The following PLPPR1 variants were observed in gnomAD, a reference collection of about 807,000 sequenced individuals.
PLPPR1 encodes phospholipid phosphatase related 1, also known as phospholipid phosphatase-related protein type 1.
Under a neutral mutation model 33.1 loss-of-function variants are expected in PLPPR1, and 10 were observed. The observed-to-expected ratio is 0.30, with a 90% confidence interval of 0.19 to 0.51. PLPPR1 has a LOEUF of 0.51. PLPPR1 is among the 20% of genes least tolerant of loss of function. The pLI, the probability that PLPPR1 is intolerant of heterozygous loss-of-function variation, is 0.97. For missense variants in PLPPR1, 304 were observed against 408.1 expected (o/e 0.74, Z 2.20); for synonymous variants, 151 against 151.0 (o/e 1.00, Z 0.00).
At chr9:101,320,876 C>T (rs919965000) in intron 7 of PLPPR1, among the ~76,000 whole-genome samples, 3 of 152,090 alleles carry the variant, frequency 2.0e-5, no homozygotes, top group Admixed American at 2.0e-4. Context: ...AAATGAAGAC[C>T]CATCCAATAC....
chr9:101,081,555 T>C (rs1830620493), intron 1 of PLPPR1, among the ~76,000 whole-genome samples: 1 of 152,190 alleles, frequency 6.6e-6, no homozygotes, highest in Admixed American at 6.5e-5. Context: ...TCCTCCCCTC[T>C]AGTCTCTGAA....
At chr9:101,151,841 C>T (rs1008725805) in intron 1 of PLPPR1, among the ~76,000 whole-genome samples, 1 of 152,170 alleles carries the variant, frequency 6.6e-6, no homozygotes, top group African/African-American at 2.4e-5. Context: ...CGGTTTGCCA[C>T]TCTTTGTCTA....
At chr9:101,194,121 C>G (rs1253330211) in intron 2 of PLPPR1, among the ~76,000 whole-genome samples, 1 of 152,102 alleles carries the variant, frequency 6.6e-6, no homozygotes, top group East Asian at 1.9e-4. Flanking sequence ...TCAGAAAACT[C>G]CTTTGACGTC....
intron 1 of PLPPR1, among the ~76,000 whole-genome samples, chr9:101,071,362 T>G (rs1010795246): frequency 7.9e-5 from 12 of 152,226 alleles, no homozygotes; most frequent in Non-Finnish European, 1.6e-4. Context: ...TATTAAAAAT[T>G]GCAGACTGAT....
intron 1 of PLPPR1, among the ~76,000 whole-genome samples, chr9:101,107,744 C>T (rs1188122046): frequency 3.4e-5 from 4 of 117,572 alleles, no homozygotes; most frequent in Non-Finnish European, 5.2e-5. Flanking sequence ...GCCCCTCCCC[C>T]AGCCTCGTTG....
At chr9:101,160,686 A>G (rs1831761161) in intron 1 of PLPPR1, among the ~76,000 whole-genome samples, 1 of 152,124 alleles carries the variant, frequency 6.6e-6, no homozygotes, top group African/African-American at 2.4e-5. Flanking sequence ...AAATTCCTGG[A>G]TAAAAGACTT....
chr9:101,130,922 AGAG>A (rs1417459248), intron 1 of PLPPR1, among the ~76,000 whole-genome samples: 1 of 152,246 alleles, frequency 6.6e-6, no homozygotes, highest in Non-Finnish European at 1.5e-5. Context: ...TACTACTTAC[AGAG>A]GAAGCCCTGG....
intron 1 of PLPPR1, among the ~76,000 whole-genome samples, chr9:101,094,289 G>C (rs924508453): frequency 1.3e-5 from 2 of 152,036 alleles, no homozygotes; most frequent in Admixed American, 1.3e-4. Context: ...TCTATTCTCT[G>C]TATAGTATCT....
chr9:101,273,256 A>T (rs1258208473), intron 3 of PLPPR1, among the ~76,000 whole-genome samples: 1 of 152,170 alleles, frequency 6.6e-6, no homozygotes, highest in Non-Finnish European at 1.5e-5. Flanking sequence ...TTATTGGTGA[A>T]TTGCATCTGT....
chr9:101,040,706 A>G (rs573709401), intron 1 of PLPPR1, among the ~76,000 whole-genome samples: 1 of 151,842 alleles, frequency 6.6e-6, no homozygotes, highest in Non-Finnish European at 1.5e-5. Context: ...TTAACTCTTT[A>G]CTCTGATTTG....
Position 101,222,084 on chromosome 9 carries a change from A to G in PLPPR1, c.63+36527A>G, listed in dbSNP as rs143656426. Reference sequence around the variant, plus strand: ...TAGGAGAGCAATGCATGACTTCTTTAGGTAGTGACACCAAGTCCTCAGAGA... The same window carrying G: ...TAGGAGAGCAATGCATGACTTCTTTGGGTAGTGACACCAAGTCCTCAGAGA... On this transcript the variant is annotated intron_variant, in intron 2 of 7. Transcript: ENST00000374874. Among the ~76,000 whole-genome samples the G allele has an allele frequency of 1.9e-3, 293 of 152,300 alleles. 3 individuals are homozygous for G. The highest frequency in any genetic ancestry group is 7.2e-3 in the East Asian group (37 of 5,170).
chr9:101,178,133 G>C (rs1480458835), intron 1 of PLPPR1, among the ~76,000 whole-genome samples: 1 of 152,198 alleles, frequency 6.6e-6, no homozygotes, highest in Non-Finnish European at 1.5e-5. Flanking sequence ...TGGATAGAAT[G>C]ACCTATGACC....
At chr9:101,061,085 C>T (rs78121032) in intron 1 of PLPPR1, among the ~76,000 whole-genome samples, 2,189 of 151,888 alleles carry the variant, frequency 0.014, 58 homozygotes, top group African/African-American at 0.05. Flanking sequence ...AATTAACTTC[C>T]CAGTGTGGAT....
chr9:101,109,809 A>G (rs1000651116), intron 1 of PLPPR1, among the ~76,000 whole-genome samples: 2 of 152,132 alleles, frequency 1.3e-5, no homozygotes, highest in African/African-American at 4.8e-5. Context: ...CTTATATTTT[A>G]ATAAATTTTC....
At chr9:101,218,183 G>A (rs748265690) in intron 2 of PLPPR1, among the ~76,000 whole-genome samples, 80 of 152,198 alleles carry the variant, frequency 5.3e-4, no homozygotes, top group Admixed American at 6.5e-4. Context: ...TCAAGAATAT[G>A]CTATCAATGT....
At chr9:101,289,768 T>TC (rs1828460208) in intron 4 of PLPPR1, among the ~76,000 whole-genome samples, 1 of 152,254 alleles carries the variant, frequency 6.6e-6, no homozygotes, top group South Asian at 2.1e-4. Context: ...AACTGTGAGT[T>TC]CTTCATTAAA....
chr9:101,220,424 AAT>A (rs1323776222), intron 2 of PLPPR1, among the ~76,000 whole-genome samples: 3 of 152,232 alleles, frequency 2.0e-5, no homozygotes, highest in Admixed American at 1.3e-4. Flanking sequence ...AATAAGCAGC[AAT>A]ATCAGGAAAA....
At chr9:101,030,680 A>G (rs1829934549) in intron 1 of PLPPR1, among the ~76,000 whole-genome samples, 1 of 151,942 alleles carries the variant, frequency 6.6e-6, no homozygotes. Context: ...ATGCTGAAAG[A>G]AGTAAACTCC....
chr9:101,277,823 C>T (rs995800479), intron 3 of PLPPR1, among the ~76,000 whole-genome samples: 1 of 152,138 alleles, frequency 6.6e-6, no homozygotes, highest in African/African-American at 2.4e-5. Flanking sequence ...CCTGGGTAGA[C>T]CAGCAAGTAC....
Sources: allele counts gnomAD v4.1 joint callset (sites outside exome capture counted in the v4.1 genomes callset), GRCh38; gene constraint gnomAD v4.1.1; transcripts MANE v1.5; gene names NCBI Gene and HGNC (gene_info 2026-07-23, HGNC 2026-07-21).